Variants in NOL10 observed in about 807,000 individuals in gnomAD.
The protein encoded by NOL10 is nucleolar protein 10.
A neutral mutation model predicts 103.5 loss-of-function variants in NOL10; 58 were observed. The observed-to-expected ratio is 0.56, with a 90% CI of 0.45 to 0.70. The LOEUF is 0.70. Among genes scored for constraint, NOL10 ranks in the 30% least tolerant of loss-of-function variants. The probability of loss-of-function intolerance (pLI) is 0.00; values close to 1 mark genes in which losing one functional copy is unlikely to be tolerated. For synonymous variants in NOL10, 287 were observed against 282.5 expected (o/e 1.02, Z -0.16); for missense variants, 763 against 807.3 (o/e 0.95, Z 0.67).
At chr2:10,616,365 G>A (rs543872640) in intron 13 of NOL10, among the ~76,000 whole-genome samples, 10 of 151,366 alleles carry the variant, frequency 6.6e-5, no homozygotes, top group East Asian at 5.9e-4. Flanking sequence ...GATTACAGGC[G>A]TGTGCCACTA....
At chr2:10,599,440 A>G (rs1472529049) in intron 17 of NOL10, among the ~76,000 whole-genome samples, 1 of 152,256 alleles carries the variant, frequency 6.6e-6, no homozygotes, top group Non-Finnish European at 1.5e-5. Flanking sequence ...GAGAGTCAAC[A>G]CAGCAGCAAA....
intron 13 of NOL10, among the ~76,000 whole-genome samples, chr2:10,635,108 T>C (rs1368525112): frequency 6.6e-6 from 1 of 152,216 alleles, no homozygotes; most frequent in East Asian, 1.9e-4. Flanking sequence ...ATGAAATTCA[T>C]TCATGCTTCA....
At chr2:10,647,127 A>G (rs1451662096) in intron 12 of NOL10, among the ~76,000 whole-genome samples, 2 of 152,246 alleles carry the variant, frequency 1.3e-5, no homozygotes, top group Non-Finnish European at 2.9e-5. Context: ...GAAGGAAAAG[A>G]TATCAGCACC....
chr2:10,662,695 T>C (rs1424692811), intron 9 of NOL10, among the ~76,000 whole-genome samples: 1 of 152,208 alleles, frequency 6.6e-6, no homozygotes, highest in East Asian at 1.9e-4. Context: ...TTCTACAAAA[T>C]TGGAATACAA....
At chr2:10,650,602 G>C (rs1679395179) in intron 12 of NOL10, among the ~76,000 whole-genome samples, 1 of 151,970 alleles carries the variant, frequency 6.6e-6, no homozygotes, top group Admixed American at 6.5e-5. Context: ...TTTATCGTGA[G>C]GCCAGGGGAG....
intron 3 of NOL10, among the ~76,000 whole-genome samples, chr2:10,676,691 G>A (rs1005479205): frequency 4.0e-5 from 6 of 149,400 alleles, no homozygotes; most frequent in Non-Finnish European, 5.9e-5. Flanking sequence ...AGACTGGGGT[G>A]CAATGGCGTG....
intron 13 of NOL10, among the ~76,000 whole-genome samples, chr2:10,608,978 A>G (rs1457326156): frequency 6.6e-6 from 1 of 152,168 alleles, no homozygotes; most frequent in Non-Finnish European, 1.5e-5. Flanking sequence ...AAGAAATGCA[A>G]GGCATTTTTA....
intron 19 of NOL10, among the ~76,000 whole-genome samples, chr2:10,587,120 CATATATATACATAT>C (rs1675106510): frequency 4.4e-5 from 2 of 45,214 alleles, no homozygotes; most frequent in African/African-American, 2.4e-4. Context: ...CATATATATA[CATATATATACATAT>C]ATACACATAT....
chr2:10,672,619 C>G (rs966738142), intron 5 of NOL10, among the ~76,000 whole-genome samples: 1 of 152,088 alleles, frequency 6.6e-6, no homozygotes, highest in African/African-American at 2.4e-5. Flanking sequence ...TTCAAGATGC[C>G]ATTTGACATC....
At chr2:10,678,569 C>T (rs1318920247) in intron 3 of NOL10, among the ~76,000 whole-genome samples, 2 of 152,116 alleles carry the variant, frequency 1.3e-5, no homozygotes, top group South Asian at 2.1e-4. Flanking sequence ...ATCAAGAGGC[C>T]AGTCACTTCC....
intron 20 of NOL10, among the ~76,000 whole-genome samples, chr2:10,576,502 G>A (rs1054506988): frequency 1.3e-5 from 2 of 152,104 alleles, no homozygotes; most frequent in African/African-American, 2.4e-5. Flanking sequence ...TGTTATATAC[G>A]TACAATGGTA....
chr2:10,689,943 C>G lies in NOL10; in HGVS notation c.-82G>C. The G allele has an allele frequency of 2.2e-6, 3 of 1,364,536 alleles. No homozygotes were observed. Among genetic ancestry groups the G allele is most frequent in the South Asian group, 2.5e-5 (2 of 78,560 alleles). The allele number at this position is 1,364,536 out of a possible 1,614,324, so 84.5% of individuals were successfully genotyped here. On this transcript the variant is annotated 5_prime_UTR_variant, in exon 1 of 21. Coordinates refer to ENST00000381685, the MANE Select transcript of NOL10 (RefSeq NM_024894.4). ...CCGTAATCCCGGGACCTCCGAGCCC[C>G]TGCTCCGCGGCGTGCGGCCGCTGGC... is the stretch of plus-strand genomic sequence containing the variant.
chr2:10,661,981 A>G (rs1029608471), intron 9 of NOL10, among the ~76,000 whole-genome samples: 2 of 151,900 alleles, frequency 1.3e-5, no homozygotes, highest in African/African-American at 4.8e-5. Context: ...GCTTGTGTTC[A>G]CTGTTTTTCT....
At chr2:10,606,726 G>T (rs1676283121) in intron 14 of NOL10, among the ~76,000 whole-genome samples, 1 of 151,662 alleles carries the variant, frequency 6.6e-6, no homozygotes, top group African/African-American at 2.4e-5. Context: ...AACTATTAAG[G>T]TTCTTCTACA....
intron 3 of NOL10, among the ~76,000 whole-genome samples, chr2:10,677,147 C>T (rs910223671): frequency 1.3e-5 from 2 of 152,022 alleles, no homozygotes; most frequent in African/African-American, 2.4e-5. Flanking sequence ...CCATGTTGGC[C>T]AGGCTGGTCT....
intron 1 of NOL10, among the ~76,000 whole-genome samples, chr2:10,686,026 C>A (rs1375918740): frequency 6.6e-6 from 1 of 151,462 alleles, no homozygotes; most frequent in Admixed American, 6.6e-5. Context: ...TGTGCCACTG[C>A]ACTCCAGCCT....
chr2:10,688,371 C>G (rs758720446), intron 1 of NOL10, among the ~76,000 whole-genome samples: 2 of 152,198 alleles, frequency 1.3e-5, no homozygotes, highest in Non-Finnish European at 2.9e-5. Context: ...CCACCCTGCT[C>G]TCGCCCCCTC....
chr2:10,582,034 C>T (rs1337505719), intron 19 of NOL10, among the ~76,000 whole-genome samples: 1 of 152,166 alleles, frequency 6.6e-6, no homozygotes, highest in Non-Finnish European at 1.5e-5. Flanking sequence ...AACATGCCTA[C>T]ATAGTACTGA....
At position 10,589,498 on chromosome 2, in the gene NOL10, T is replaced by C. The variant is rs1283163117; in HGVS notation, c.1596+80A>G. 4 of 1,263,154 alleles carry C rather than the reference T, an allele frequency of 3.2e-6. No homozygotes were observed. The African/African-American group carries it at 6.0e-5, about 19-fold the overall frequency. 78.2% of individuals were successfully genotyped at this position (1,263,154 alleles called of 1,614,324 possible). A position where few individuals can be genotyped will look rare whatever the true frequency, so the allele number is the denominator to read the frequency against. On this transcript the variant is annotated intron_variant, in intron 18 of 20. Coordinates refer to ENST00000381685, the MANE Select transcript of NOL10 (RefSeq NM_024894.4). ...GGAATTAATTACATCTCAAGTATAA[T>C]CAAAGACTCTTCTAACTTACAAAGA...
Sources: gnomAD v4.1 joint callset for allele counts (sites outside exome capture counted in the v4.1 genomes callset) on GRCh38, gnomAD v4.1.1 for gene constraint, MANE v1.5 for transcripts, NCBI Gene and HGNC (gene_info 2026-07-23, HGNC 2026-07-21) for gene names.